The following PRKCA variants were observed in gnomAD, a reference collection of about 807,000 sequenced individuals.
PRKCA encodes protein kinase C alpha, also known as protein kinase C alpha type.
A neutral mutation model predicts 87.0 loss-of-function variants in PRKCA; 27 were observed. The ratio of observed to expected loss-of-function variants is 0.31; its 90% CI spans 0.23 to 0.43. The LOEUF (loss-of-function observed/expected upper bound fraction) is 0.43, where lower values mean the gene tolerates loss of function less well. Ranked by LOEUF, PRKCA falls within the 20% of genes least tolerant of loss-of-function variation. The pLI, the probability that PRKCA is intolerant of heterozygous loss-of-function variation, is 1.00. For synonymous variants in PRKCA, 329 were observed against 311.1 expected (o/e 1.06, Z -0.61); for missense variants, 518 against 852.3 (o/e 0.61, Z 4.88).
chr17:66,340,897 T>G (rs1848365629), intron 2 of PRKCA, among the ~76,000 whole-genome samples: 1 of 152,106 alleles, frequency 6.6e-6, no homozygotes, highest in Admixed American at 6.5e-5. Context: ...GGCAGTGAGT[T>G]ATTGTCAAAA....
At chr17:66,620,152 G>T (rs996391131) in intron 3 of PRKCA, among the ~76,000 whole-genome samples, 1 of 152,198 alleles carries the variant, frequency 6.6e-6, no homozygotes, top group Non-Finnish European at 1.5e-5. Flanking sequence ...ACTCATCAAA[G>T]AAATTATCCA....
intron 3 of PRKCA, among the ~76,000 whole-genome samples, chr17:66,619,066 T>A (rs188950519): frequency 8.6e-5 from 13 of 151,446 alleles, no homozygotes; most frequent in African/African-American, 2.9e-4. Context: ...TTATAGATTT[T>A]AAAAAATCTC....
chr17:66,524,496 A>G (rs539974361), intron 3 of PRKCA, among the ~76,000 whole-genome samples: 56 of 152,344 alleles, frequency 3.7e-4, no homozygotes, highest in Non-Finnish European at 6.6e-4. Flanking sequence ...AGTTGACTTG[A>G]GATGACCCAT....
At chr17:66,746,304 AC>A (rs1437947800) in intron 13 of PRKCA, among the ~76,000 whole-genome samples, 2 of 151,394 alleles carry the variant, frequency 1.3e-5, no homozygotes, top group African/African-American at 4.9e-5. Context: ...GGTGTGTGCC[AC>A]CACCTGTGCC....
intron 2 of PRKCA, among the ~76,000 whole-genome samples, chr17:66,367,922 G>A (rs1257173920): frequency 6.6e-6 from 1 of 152,184 alleles, no homozygotes; most frequent in Non-Finnish European, 1.5e-5. Context: ...CACTTAAGAG[G>A]TATCAGTTAC....
At chr17:66,704,237 C>T (rs1180451127) in intron 8 of PRKCA, among the ~76,000 whole-genome samples, 2 of 151,346 alleles carry the variant, frequency 1.3e-5, no homozygotes, top group East Asian at 3.9e-4. Context: ...AACACCACCA[C>T]TATTGATTTG....
At chr17:66,777,918 A>T in intron 14 of PRKCA, 1 of 985,338 alleles carries the variant, frequency 1.0e-6, no homozygotes, top group Non-Finnish European at 1.2e-6. Context: ...CCTTCCTGGG[A>T]TCTCATTCAC....
intron 3 of PRKCA, among the ~76,000 whole-genome samples, chr17:66,558,304 C>A (rs1031219567): frequency 6.6e-6 from 1 of 152,166 alleles, no homozygotes; most frequent in Admixed American, 6.5e-5. Flanking sequence ...AACATGTATG[C>A]CAATAAATAC....
At chr17:66,759,557 A>G (rs190683693) in intron 13 of PRKCA, among the ~76,000 whole-genome samples, 13 of 152,248 alleles carry the variant, frequency 8.5e-5, no homozygotes, top group African/African-American at 2.9e-4. Context: ...AGGGCCACAA[A>G]TAGAAGACAA....
chr17:66,759,368 A>G (rs1009981860), intron 13 of PRKCA, among the ~76,000 whole-genome samples: 103 of 152,016 alleles, frequency 6.8e-4, no homozygotes, highest in Admixed American at 1.9e-3. Flanking sequence ...AAAAAAAAAA[A>G]GAAAGTAGAC....
intron 3 of PRKCA, among the ~76,000 whole-genome samples, chr17:66,505,206 T>G (rs965659322): frequency 3.3e-5 from 5 of 152,098 alleles, no homozygotes; most frequent in African/African-American, 1.2e-4. Flanking sequence ...CCAAATTAAT[T>G]TAGCCGGGAG....
At chr17:66,498,312 A>G (rs1916573611) in intron 3 of PRKCA, among the ~76,000 whole-genome samples, 1 of 152,164 alleles carries the variant, frequency 6.6e-6, no homozygotes, top group African/African-American at 2.4e-5. Flanking sequence ...ACCTCATGTC[A>G]TAGCCTTTCA....
chr17:66,733,546 C>A (rs1326836773), intron 9 of PRKCA, among the ~76,000 whole-genome samples: 1 of 152,198 alleles, frequency 6.6e-6, no homozygotes, highest in Non-Finnish European at 1.5e-5. Flanking sequence ...AATCCCAGTA[C>A]TTTGGGAGGC....
rs763302197 is a variant in PRKCA, at chr17:66,742,783, T to C, written c.1524+23T>C. Reference sequence around the variant, plus strand: ...GAGGTAGGAACCCCAGTGATCGTTTTCTCAACCAGGACTCCCAAACTGTAA... The same window carrying C: ...GAGGTAGGAACCCCAGTGATCGTTTCCTCAACCAGGACTCCCAAACTGTAA... On this transcript the variant is annotated intron_variant, in intron 13 of 16. Transcript: ENST00000413366. 1.9e-6 allele frequency: 3 copies of C among 1,610,562 alleles called. No homozygotes were observed. The South Asian group carries it at 3.3e-5, about 18-fold the overall frequency.
At chr17:66,491,147 C>T (rs1251369467) in intron 2 of PRKCA, among the ~76,000 whole-genome samples, 1 of 152,182 alleles carries the variant, frequency 6.6e-6, no homozygotes, top group African/African-American at 2.4e-5. Context: ...TTTCCAGTGT[C>T]GTCCGTCACT....
At chr17:66,769,519 C>T (rs983102704) in intron 13 of PRKCA, among the ~76,000 whole-genome samples, 9 of 152,150 alleles carry the variant, frequency 5.9e-5, no homozygotes, top group Non-Finnish European at 1.0e-4. Flanking sequence ...TATCCTTTAA[C>T]ATTCTAGTCC....
At chr17:66,318,329 G>A (rs1905436338) in intron 2 of PRKCA, among the ~76,000 whole-genome samples, 1 of 152,100 alleles carries the variant, frequency 6.6e-6, no homozygotes, top group Non-Finnish European at 1.5e-5. Context: ...TTAGAAACAT[G>A]GAGGAATGAT....
At chr17:66,505,681 T>C (rs1053943302) in intron 3 of PRKCA, among the ~76,000 whole-genome samples, 1 of 152,136 alleles carries the variant, frequency 6.6e-6, no homozygotes, top group African/African-American at 2.4e-5. Context: ...GTGGGTAGAA[T>C]TGTTTTTGGT....
chr17:66,344,875 C>T (rs1907263496), intron 2 of PRKCA, among the ~76,000 whole-genome samples: 1 of 152,164 alleles, frequency 6.6e-6, no homozygotes, highest in Admixed American at 6.5e-5. Context: ...GAGTGATTCT[C>T]CTGCCTCAGT....
Sources: allele counts gnomAD v4.1 joint callset (sites outside exome capture counted in the v4.1 genomes callset), GRCh38; gene constraint gnomAD v4.1.1; transcripts MANE v1.5; gene names NCBI Gene and HGNC (gene_info 2026-07-23, HGNC 2026-07-21).